GALNT7: variants seen among roughly 807,000 people sequenced by gnomAD.
GALNT7 encodes polypeptide N-acetylgalactosaminyltransferase 7, also known as N-acetylgalactosaminyltransferase 7.
Under a neutral mutation model 82.1 loss-of-function variants are expected in GALNT7, and 60 were observed. The observed-to-expected ratio is 0.73, with a 90% CI of 0.59 to 0.91. The LOEUF (loss-of-function observed/expected upper bound fraction) is 0.91, where lower values mean the gene tolerates loss of function less well. GALNT7 is among the 40% of genes least tolerant of loss of function. The pLI, the probability that GALNT7 is intolerant of heterozygous loss-of-function variation, is 0.00. For synonymous variants in GALNT7, 243 were observed against 275.1 expected, an observed-to-expected ratio of 0.88 and a Z score of 1.15; for missense variants, 660 against 804.2, an observed-to-expected ratio of 0.82 and a Z score of 2.17.
intron 1 of GALNT7, among the ~76,000 whole-genome samples, chr4:173,244,218 A>T (rs1394432258): frequency 6.6e-6 from 1 of 152,092 alleles, no homozygotes; most frequent in Admixed American, 6.6e-5. Flanking sequence ...AAAGCCAAAC[A>T]TGTTTACTAC....
chr4:173,223,352 T>C (rs1733702350), intron 1 of GALNT7, among the ~76,000 whole-genome samples: 1 of 152,190 alleles, frequency 6.6e-6, no homozygotes, highest in Non-Finnish European at 1.5e-5. Flanking sequence ...TAGAGTTTTT[T>C]TAATTAGCAA....
chr4:173,223,677 T>C (rs1325358965), intron 1 of GALNT7, among the ~76,000 whole-genome samples: 1 of 152,158 alleles, frequency 6.6e-6, no homozygotes, highest in African/African-American at 2.4e-5. Flanking sequence ...TCAAGCTTTT[T>C]ATAACTAAAA....
chr4:173,299,148 A>G (rs1271113586), intron 6 of GALNT7, among the ~76,000 whole-genome samples: 1 of 152,124 alleles, frequency 6.6e-6, no homozygotes, highest in Admixed American at 6.6e-5. Flanking sequence ...GTGATGTTAG[A>G]ACTCTGTTTT....
At chr4:173,266,911 G>C (rs1265439584) in intron 2 of GALNT7, among the ~76,000 whole-genome samples, 1 of 149,452 alleles carries the variant, frequency 6.7e-6, no homozygotes, top group Non-Finnish European at 1.5e-5. Context: ...GTGTGTGTGT[G>C]TGTGTGTGTG....
chr4:173,251,543 T>A lies in GALNT7; in HGVS notation c.587+3103T>A, dbSNP rs564270836. The stretch of plus-strand genomic sequence containing the variant: ...GTCTACATCCTCTTGCTTCTACTAG[T>A]ACCTTCCATGATGCTAAAGCCTTCA... On this transcript the variant is annotated intron_variant, in intron 2 of 11. Coordinates refer to ENST00000265000, the MANE Select transcript of GALNT7 (RefSeq NM_017423.3). 9.7e-4 allele frequency among the ~76,000 whole-genome samples: 147 copies of A among 152,328 alleles called. 1 individual carries two copies. Among genetic ancestry groups the A allele is most frequent in the South Asian group, 7.5e-3 (36 of 4,822 alleles).
intron 2 of GALNT7, among the ~76,000 whole-genome samples, chr4:173,250,374 A>G (rs1241857028): frequency 6.6e-6 from 1 of 152,226 alleles, no homozygotes; most frequent in Non-Finnish European, 1.5e-5. Context: ...ATAAGAAATA[A>G]GAAAATTAAA....
intron 2 of GALNT7, among the ~76,000 whole-genome samples, chr4:173,276,987 T>C (rs1239202520): frequency 6.6e-6 from 1 of 152,160 alleles, no homozygotes; most frequent in Non-Finnish European, 1.5e-5. Flanking sequence ...ACAATGACCA[T>C]AGAGGAAGAT....
intron 1 of GALNT7, among the ~76,000 whole-genome samples, chr4:173,211,570 A>G (rs1733286069): frequency 6.6e-6 from 1 of 152,230 alleles, no homozygotes; most frequent in Non-Finnish European, 1.5e-5. Context: ...GTTCAATAAC[A>G]AGAGTCAGCA....
In GALNT7 at chr4:173,317,727, A is replaced by T. The variant is rs1315731688; in HGVS notation, c.1702A>T (p.Asn568Tyr). 6.3e-7 allele frequency: 1 copy of T among 1,593,902 alleles called. No homozygotes were observed. The highest frequency in any genetic ancestry group is 1.1e-5 in the South Asian group (1 of 90,710). ...ELGPCHRMGG[N>Y]QLFRINEANQ... ...AGGACCCTGCCACAGGATGGGAGGG[A>T]ATCAGGTAAACCACCTTACTTTTGT... Residue 568 changes from asparagine to tyrosine, a missense_variant, in exon 10 of 12, where the codon AAT becomes TAT. Coordinates refer to ENST00000265000, the MANE Select transcript of GALNT7 (RefSeq NM_017423.3).
At chr4:173,283,473 C>G (rs1736190357) in intron 2 of GALNT7, among the ~76,000 whole-genome samples, 1 of 151,986 alleles carries the variant, frequency 6.6e-6, no homozygotes, top group Non-Finnish European at 1.5e-5. Flanking sequence ...AACCCCATCT[C>G]TATGGAAAAT....
chr4:173,246,178 A>T (rs535412353), intron 1 of GALNT7, among the ~76,000 whole-genome samples: 2 of 152,216 alleles, frequency 1.3e-5, no homozygotes, highest in Non-Finnish European at 2.9e-5. Context: ...ACTCTTGCCC[A>T]TTGAAATGGA....
At chr4:173,212,018 G>A (rs1361396882) in intron 1 of GALNT7, among the ~76,000 whole-genome samples, 1 of 152,146 alleles carries the variant, frequency 6.6e-6, no homozygotes, top group Non-Finnish European at 1.5e-5. Context: ...AATTTAATGG[G>A]AGTTCTTCAT....
intron 2 of GALNT7, among the ~76,000 whole-genome samples, chr4:173,288,520 G>GT (rs1736423529): frequency 6.6e-6 from 1 of 151,960 alleles, no homozygotes; most frequent in Admixed American, 6.5e-5. Context: ...GAGATGTTAG[G>GT]TAAAAACTCT....
intron 1 of GALNT7, among the ~76,000 whole-genome samples, chr4:173,217,143 G>T (rs1579920646): frequency 6.6e-6 from 1 of 152,146 alleles, no homozygotes; most frequent in East Asian, 1.9e-4. Flanking sequence ...ACATTAAAAA[G>T]AATACATGGT....
At chr4:173,193,054 A>G (rs779181471) in intron 1 of GALNT7, among the ~76,000 whole-genome samples, 3 of 152,228 alleles carry the variant, frequency 2.0e-5, no homozygotes, top group African/African-American at 7.2e-5. Context: ...AAGCCAGTCT[A>G]TAGAGAAAGG....
chr4:173,298,904 A>C (rs1736816439), intron 6 of GALNT7, among the ~76,000 whole-genome samples: 1 of 152,260 alleles, frequency 6.6e-6, no homozygotes, highest in Non-Finnish European at 1.5e-5. Flanking sequence ...GATTAAAAGA[A>C]AACTCTATTC....
rs538387895 is a variant in GALNT7, at chr4:173,220,705, C to T, written c.127-27275C>T. Among the ~76,000 whole-genome samples, 41 of 140,642 alleles carry T rather than the reference C, an allele frequency of 2.9e-4. 1 individual carries two copies. The East Asian group carries it at 8.5e-3, about 29-fold the overall frequency. 92.3% of individuals were successfully genotyped at this position (140,642 alleles called of 152,430 possible). Reference sequence around the variant, plus strand: ...TGTGATGTTCCCCTTCCTGTGTCCACGTGTTCTCATTGTTCAGTTCCCACC... The same window carrying T: ...TGTGATGTTCCCCTTCCTGTGTCCATGTGTTCTCATTGTTCAGTTCCCACC... On this transcript the variant is annotated intron_variant, in intron 1 of 11. Coordinates refer to ENST00000265000, the MANE Select transcript of GALNT7 (RefSeq NM_017423.3).
At chr4:173,222,861 G>A (rs1733688111) in intron 1 of GALNT7, among the ~76,000 whole-genome samples, 3 of 151,858 alleles carry the variant, frequency 2.0e-5, no homozygotes, top group Admixed American at 1.3e-4. Flanking sequence ...TGACTACTAA[G>A]GTTAGATGTT....
At chr4:173,195,560 C>T (rs1732749602) in intron 1 of GALNT7, among the ~76,000 whole-genome samples, 1 of 152,154 alleles carries the variant, frequency 6.6e-6, no homozygotes, top group African/African-American at 2.4e-5. Flanking sequence ...GCCAATAATA[C>T]CTGAGTATAA....
Sources: gnomAD v4.1 joint callset for allele counts (sites outside exome capture counted in the v4.1 genomes callset) on GRCh38, gnomAD v4.1.1 for gene constraint, MANE v1.5 for transcripts, NCBI Gene and HGNC (gene_info 2026-07-23, HGNC 2026-07-21) for gene names.